THRB: variants seen among roughly 807,000 people sequenced by gnomAD.
THRB encodes the protein thyroid hormone receptor beta.
In THRB, 12 loss-of-function variants were observed where a neutral mutation model predicts 47.8. The ratio of observed to expected loss-of-function variants is 0.25; its 90% confidence interval spans 0.16 to 0.41. THRB has a LOEUF of 0.41. Ranked by LOEUF, THRB falls within the 10% of genes least tolerant of loss-of-function variation. THRB has a pLI of 1.00. For synonymous variants in THRB, 218 were observed against 212.2 expected (o/e 1.03, Z -0.24); for missense variants, 348 against 589.2 (o/e 0.59, Z 4.24).
chr3:24,354,561 T>C (rs376338815), intron 1 of THRB, among the ~76,000 whole-genome samples: 18 of 152,098 alleles, frequency 1.2e-4, no homozygotes, highest in Non-Finnish European at 2.4e-4. Context: ...GCTAAGACAT[T>C]GGCTACTGAA....
In THRB at chr3:24,494,824, G is replaced by C. The variant is rs970481229; in HGVS notation, c.-433C>G. 6.6e-6 allele frequency: 1 copy of C among 151,238 alleles called. No homozygotes were observed. Among genetic ancestry groups the C allele is most frequent in the Non-Finnish European group, 1.5e-5 (1 of 67,924 alleles). The allele number at this position is 151,238 out of a possible 1,614,324, so 9.4% of individuals were successfully genotyped here. ...TTCATGCAAAGTTAATCCCCGCCGC[G>C]TCACGGCCGCCCGCCCGAGGATGTG... is the stretch of plus-strand genomic sequence containing the variant. On this transcript the variant is annotated 5_prime_UTR_variant, in exon 1 of 11. Transcript: ENST00000646209.
At chr3:24,434,310 T>G (rs1013692734) in intron 1 of THRB, among the ~76,000 whole-genome samples, 3 of 152,222 alleles carry the variant, frequency 2.0e-5, no homozygotes, top group Non-Finnish European at 4.4e-5. Flanking sequence ...GCAGTTGCTT[T>G]CAAGAACAGG....
chr3:24,424,195 A>C (rs1308024894), intron 1 of THRB, among the ~76,000 whole-genome samples: 3 of 151,592 alleles, frequency 2.0e-5, no homozygotes, highest in African/African-American at 7.3e-5. Context: ...CCGTCTACCC[A>C]CCCTCCGCCC....
At chr3:24,272,401 C>A (rs1022457963) in intron 3 of THRB, among the ~76,000 whole-genome samples, 15 of 150,816 alleles carry the variant, frequency 9.9e-5, no homozygotes, top group East Asian at 1.9e-4. Flanking sequence ...AACAAAAAAA[C>A]CAACCAAAAA....
At chr3:24,303,964 CT>C (rs2057144077) in intron 2 of THRB, among the ~76,000 whole-genome samples, 1 of 151,928 alleles carries the variant, frequency 6.6e-6, no homozygotes, top group Non-Finnish European at 1.5e-5. Flanking sequence ...AGTATTCTTT[CT>C]TTTGAGATGG....
chr3:24,417,142 G>GCAA (rs2150243351), intron 1 of THRB, among the ~76,000 whole-genome samples: 1 of 113,368 alleles, frequency 8.8e-6, no homozygotes, highest in Non-Finnish European at 1.9e-5. Flanking sequence ...ACACACACGC[G>GCAA]CAACGCGTTA....
intron 3 of THRB, among the ~76,000 whole-genome samples, chr3:24,270,216 G>A (rs1346628913): frequency 1.3e-5 from 2 of 152,204 alleles, no homozygotes; most frequent in East Asian, 3.9e-4. Flanking sequence ...AAGCAAACAG[G>A]CCATTAAAGG....
chr3:24,212,735 G>C (rs961604600), intron 4 of THRB, among the ~76,000 whole-genome samples: 4 of 152,126 alleles, frequency 2.6e-5, no homozygotes, highest in Admixed American at 2.6e-4. Context: ...CTGCTTTCCA[G>C]ATAGTACAGG....
At chr3:24,182,857 A>C (rs939903224) in intron 5 of THRB, among the ~76,000 whole-genome samples, 1 of 152,204 alleles carries the variant, frequency 6.6e-6, no homozygotes, top group African/African-American at 2.4e-5. Flanking sequence ...ACCACCCTGC[A>C]TCTTTACCTG....
chr3:24,307,153 A>C (rs1367933268), intron 2 of THRB, among the ~76,000 whole-genome samples: 2 of 152,098 alleles, frequency 1.3e-5, no homozygotes, highest in Non-Finnish European at 2.9e-5. Flanking sequence ...GCAAATTTTG[A>C]TATCCTACAC....
chr3:24,288,543 T>C (rs547743403), intron 3 of THRB, among the ~76,000 whole-genome samples: 3 of 152,308 alleles, frequency 2.0e-5, no homozygotes, highest in Admixed American at 2.0e-4. Context: ...AATACCTGTT[T>C]ATTTCCACTG....
chr3:24,212,206 G>A (rs1193019362), intron 4 of THRB, among the ~76,000 whole-genome samples: 1 of 152,080 alleles, frequency 6.6e-6, no homozygotes, highest in Non-Finnish European at 1.5e-5. Flanking sequence ...AGACCAGCCT[G>A]GTCAACATAA....
chr3:24,495,590 A>G (rs1218644734), upstream of THRB: 1 of 152,364 alleles, frequency 6.6e-6, no homozygotes, highest in Admixed American at 6.5e-5. Flanking sequence ...GCCTGCGCGC[A>G]TAGGTGCGGG....
intron 3 of THRB, among the ~76,000 whole-genome samples, chr3:24,279,473 C>T (rs544616915): frequency 3.3e-5 from 5 of 152,162 alleles, no homozygotes; most frequent in African/African-American, 1.2e-4. Flanking sequence ...CAAGCTCCAC[C>T]TCCCGGGTTC....
At chr3:24,456,131 C>G (rs1283120557) in intron 1 of THRB, among the ~76,000 whole-genome samples, 2 of 151,952 alleles carry the variant, frequency 1.3e-5, no homozygotes, top group African/African-American at 4.8e-5. Context: ...GAGTTTGAGA[C>G]CAGCCTGGGC....
At chr3:24,402,922 T>C (rs113079351) in intron 1 of THRB, among the ~76,000 whole-genome samples, 3 of 152,032 alleles carry the variant, frequency 2.0e-5, no homozygotes, top group Non-Finnish European at 4.4e-5. Context: ...AACTTGACAA[T>C]ATAGATAGAA....
At chr3:24,229,253 C>G (rs572354591) in intron 3 of THRB, among the ~76,000 whole-genome samples, 1 of 152,210 alleles carries the variant, frequency 6.6e-6, no homozygotes, top group Non-Finnish European at 1.5e-5. Flanking sequence ...GCACATTTTT[C>G]CATCTCAGAT....
intron 4 of THRB, among the ~76,000 whole-genome samples, 199 bp downstream of exon 4, chr3:24,228,739 T>C (rs2047947570): frequency 1.3e-5 from 2 of 152,106 alleles, no homozygotes; most frequent in South Asian, 4.1e-4. Flanking sequence ...CTCCATCACC[T>C]TTCTGGTGAG....
intron 3 of THRB, among the ~76,000 whole-genome samples, chr3:24,234,309 C>G (rs1222238606): frequency 6.6e-6 from 1 of 152,150 alleles, no homozygotes; most frequent in East Asian, 1.9e-4. Context: ...CCATATTAAG[C>G]TTTGGCTATG....
Sources: gnomAD v4.1 joint callset for allele counts (sites outside exome capture counted in the v4.1 genomes callset) on GRCh38, gnomAD v4.1.1 for gene constraint, MANE v1.5 for transcripts, NCBI Gene and HGNC (gene_info 2026-07-23, HGNC 2026-07-21) for gene names.